The following ZNF493 variants were observed in gnomAD, a reference collection of about 807,000 sequenced individuals.
ZNF493 encodes the protein zinc finger protein 493.
Under a neutral mutation model 12.2 loss-of-function variants are expected in ZNF493, and 11 were observed. The ratio of observed to expected loss-of-function variants is 0.90; its 90% CI spans 0.57 to 1.50. ZNF493 has a LOEUF of 1.50. Among genes scored for constraint, ZNF493 ranks in the 40% most tolerant of loss-of-function variants. The pLI, the probability that ZNF493 is intolerant of heterozygous loss-of-function variation, is 0.00. For synonymous variants in ZNF493, 286 were observed against 302.6 expected, an observed-to-expected ratio of 0.95 and a Z score of 0.57; for missense variants, 950 against 906.6, an observed-to-expected ratio of 1.05 and a Z score of -0.61.
intron 3 of ZNF493, among the ~76,000 whole-genome samples, chr19:21,409,179 C>G (rs1028160771): frequency 2.0e-5 from 3 of 152,024 alleles, no homozygotes. Flanking sequence ...CCACTGCACC[C>G]TGCCTCTTGT....
chr19:21,423,363 A>G lies in ZNF493; in HGVS notation c.704A>G (p.Glu235Gly). 6.2e-7 allele frequency: 1 copy of G among 1,613,728 alleles called. No homozygotes were observed. The highest frequency in any genetic ancestry group is 1.7e-4 in the Middle Eastern group (1 of 6,054). ...AGACACAGGAGAGTTCATACTGGAGAGAAATCCTACAAATATGAATGTGGC... is the reference window on the plus strand; with the variant it reads ...AGACACAGGAGAGTTCATACTGGAGGGAAATCCTACAAATATGAATGTGGC... ...LTRHRRVHTG[E>G]KSYKYECGKS... Residue 235 changes from glutamate (E) to glycine (G), a missense_variant, in exon 4 of 4, where the codon GAG (glutamate) becomes GGG (glycine). By Grantham distance (98) the Glu-to-Gly change is moderately conservative (BLOSUM62 -2). Coordinates refer to ENST00000392288, the MANE Select transcript of ZNF493 (RefSeq NM_001076678.3).
At position 21,400,974 on chromosome 19, in the gene ZNF493, G is replaced by A. The variant is rs146855640; in HGVS notation, c.30+3707G>A. On this transcript the variant is annotated intron_variant, in intron 1 of 3. Coordinates refer to ENST00000392288, the MANE Select transcript of ZNF493 (RefSeq NM_001076678.3). ...TCTCTCTTCCCTGATTGTTCTGGCC[G>A]AGACTTTGAATTCTATGTTGAACAA... 5.9e-3 allele frequency among the ~76,000 whole-genome samples: 891 copies of A among 152,210 alleles called. 5 individuals are homozygous for A. The highest frequency in any genetic ancestry group is 0.021 in the African/African-American group (861 of 41,520).
rs923003722 is a variant in ZNF493 at position 21,426,112 on chromosome 19, A to G, written c.*1128A>G. Reference sequence around the variant, plus strand: ...CTGCAGAGAAACTCTACAAACCAGTAAGATGTGACAGTGCTTCTGACAACA... The same window carrying G: ...CTGCAGAGAAACTCTACAAACCAGTGAGATGTGACAGTGCTTCTGACAACA... On this transcript the variant is annotated 3_prime_UTR_variant, in exon 4 of 4. Coordinates refer to ENST00000392288, the MANE Select transcript of ZNF493 (RefSeq NM_001076678.3). 2 of 277,238 alleles carry G rather than the reference A, an allele frequency of 7.2e-6. No homozygotes were observed. The highest frequency in any genetic ancestry group is 1.5e-5 in the Non-Finnish European group (2 of 130,950). The allele number at this position is 277,238 out of a possible 1,614,324, so 17.2% of individuals were successfully genotyped here. A position where few individuals can be genotyped will look rare whatever the true frequency, so the allele number is the denominator to read the frequency against.
chr19:21,403,215 T>A (rs1477162318), intron 1 of ZNF493, among the ~76,000 whole-genome samples: 1 of 150,816 alleles, frequency 6.6e-6, no homozygotes, highest in Admixed American at 6.6e-5. Flanking sequence ...TTGTGTCTCA[T>A]GTGACTCTTA....
chr19:21,415,006 A>G (rs2030437618), intron 3 of ZNF493, among the ~76,000 whole-genome samples: 2 of 152,170 alleles, frequency 1.3e-5, no homozygotes, highest in Admixed American at 1.3e-4. Context: ...AGAGACAATA[A>G]CTTTTCCAGG....
rs767555213 is a variant in ZNF493 at position 21,423,760 on chromosome 19, TAAAAG to T, written c.1104_1108del (p.Lys368AsnfsTer11). ...AGGAGTCCTCACACCTTACTACACA[TAAAAG>T]AATTCATACTGGAGAGAAACCCTAC... On this transcript the variant is annotated frameshift_variant, in exon 4 of 4. Coordinates refer to ENST00000392288, the MANE Select transcript of ZNF493 (RefSeq NM_001076678.3). LOFTEE classifies it low-confidence loss of function (END_TRUNC). 3.1e-6 allele frequency: 5 copies of T among 1,613,186 alleles called. No homozygotes were observed. Among genetic ancestry groups the T allele is most frequent in the Non-Finnish European group, 4.2e-6 (5 of 1,179,412 alleles).
rs1256960575 is a variant in ZNF493 at position 21,425,129 on chromosome 19, C to A, written c.*145C>A. 7.2e-6 allele frequency: 7 copies of A among 969,590 alleles called. No homozygotes were observed. Among genetic ancestry groups the A allele is most frequent in the East Asian group, 2.4e-5 (1 of 40,820 alleles). The allele number at this position is 969,590 out of a possible 1,614,324, so 60.1% of individuals were successfully genotyped here. A position where few individuals can be genotyped will look rare whatever the true frequency, so the allele number is the denominator to read the frequency against. Reference sequence around the variant, plus strand: ...AATGTGAAGAATGTGGCAAAGATTTCTATTGATTCTCATACCTTACTAAAT... The same window carrying A: ...AATGTGAAGAATGTGGCAAAGATTTATATTGATTCTCATACCTTACTAAAT... On this transcript the variant is annotated 3_prime_UTR_variant, in exon 4 of 4. Coordinates refer to ENST00000392288, the MANE Select transcript of ZNF493 (RefSeq NM_001076678.3).
intron 3 of ZNF493, among the ~76,000 whole-genome samples, chr19:21,411,699 G>A (rs1195480492): frequency 1.3e-5 from 2 of 150,188 alleles, no homozygotes; most frequent in Admixed American, 6.6e-5. Context: ...CAGCCTGGGT[G>A]ACAGAGTGAG....
At position 21,422,894 on chromosome 19, in the gene ZNF493, A is replaced by G; in HGVS notation, c.254-19A>G. ...TGAGTCTAGTAAGTGGAGTAATTTGATATTTTTATTTCTTTCAGTTATATG... is the reference window on the plus strand; with the variant it reads ...TGAGTCTAGTAAGTGGAGTAATTTGGTATTTTTATTTCTTTCAGTTATATG... On this transcript the variant is annotated intron_variant, in intron 3 of 3. Transcript: ENST00000392288. 2.6e-6 allele frequency: 4 copies of G among 1,522,584 alleles called. No homozygotes were observed. Among genetic ancestry groups the G allele is most frequent in the Non-Finnish European group, 3.5e-6 (4 of 1,140,110 alleles). 94.3% of individuals were successfully genotyped at this position (1,522,584 alleles called of 1,614,324 possible). A position where few individuals can be genotyped will look rare whatever the true frequency, so the allele number is the denominator to read the frequency against.
In ZNF493 at chr19:21,425,683, A is replaced by C. The variant is rs769031628; in HGVS notation, c.*699A>C. 4.7e-5 allele frequency: 37 copies of C among 783,932 alleles called. No individual in the cohort carries two copies. Among genetic ancestry groups the C allele is most frequent in the South Asian group, 4.2e-4 (32 of 75,906 alleles). 48.6% of individuals were successfully genotyped at this position (783,932 alleles called of 1,614,324 possible). A position where few individuals can be genotyped will look rare whatever the true frequency, so the allele number is the denominator to read the frequency against. ...CATTAGATAATTCATGCTGGAGAGA[A>C]ACCCTACAAATGTGAAAAATGTGGC... On this transcript the variant is annotated 3_prime_UTR_variant, in exon 4 of 4. Transcript: ENST00000392288.
chr19:21,418,627 C>A (rs192359187), intron 3 of ZNF493, among the ~76,000 whole-genome samples: 11 of 152,276 alleles, frequency 7.2e-5, no homozygotes, highest in African/African-American at 1.9e-4. Context: ...AGTGGGAAAT[C>A]AGGGGCCTCA....
chr19:21,421,209 T>A (rs941250846), intron 3 of ZNF493, among the ~76,000 whole-genome samples: 3 of 152,068 alleles, frequency 2.0e-5, no homozygotes, highest in Admixed American at 1.3e-4. Flanking sequence ...CAGGGTTTTT[T>A]TATATTTTTT....
At position 21,405,947 on chromosome 19, in the gene ZNF493, G is replaced by A. The variant is rs930075079; in HGVS notation, c.253+91G>A. On this transcript the variant is annotated intron_variant, in intron 3 of 3. Transcript: ENST00000392288. ...AAAAAAAAGCCAGTCCTGGCCGGGAGCAATGGCTCATGCCTGTAGTCCCAG... is the reference window on the plus strand; with the variant it reads ...AAAAAAAAGCCAGTCCTGGCCGGGAACAATGGCTCATGCCTGTAGTCCCAG... 2.9e-5 allele frequency: 29 copies of A among 993,998 alleles called. No individual in the cohort carries two copies. In the African/African-American group the frequency reaches 4.6e-4, roughly 16 times the overall value. 61.6% of individuals were successfully genotyped at this position (993,998 alleles called of 1,614,324 possible).
At chr19:21,416,934 G>A (rs1040175297) in intron 3 of ZNF493, among the ~76,000 whole-genome samples, 6 of 152,258 alleles carry the variant, frequency 3.9e-5, no homozygotes, top group South Asian at 2.1e-4. Flanking sequence ...GAACTTTAGC[G>A]GGGGTTCCCA....
chr19:21,420,591 T>TTTTATA (rs1491162530), intron 3 of ZNF493, among the ~76,000 whole-genome samples: 1 of 10,680 alleles, frequency 9.4e-5, no homozygotes, highest in African/African-American at 4.7e-4. Flanking sequence ...ACTCACTTGA[T>TTTTATA]TATATATATA....
intron 3 of ZNF493, among the ~76,000 whole-genome samples, chr19:21,411,696 G>C (rs534852198): frequency 6.6e-6 from 1 of 151,698 alleles, no homozygotes; most frequent in Non-Finnish European, 1.5e-5. Context: ...CTCCAGCCTG[G>C]GTGACAGAGT....
At chr19:21,404,421 G>C (rs2030048072) in intron 1 of ZNF493, among the ~76,000 whole-genome samples, 1 of 152,092 alleles carries the variant, frequency 6.6e-6, no homozygotes. Flanking sequence ...TTTCACTATA[G>C]AGTTAATTAT....
chr19:21,401,502 A>G (rs1459926490), intron 1 of ZNF493, among the ~76,000 whole-genome samples: 1 of 152,022 alleles, frequency 6.6e-6, no homozygotes, highest in Non-Finnish European at 1.5e-5. Context: ...TTTTCTCAGT[A>G]TTTTGAAATA....
intron 3 of ZNF493, chr19:21,413,562 C>A: frequency 2.5e-6 from 1 of 405,308 alleles, no homozygotes. Flanking sequence ...TTGTCCTCAG[C>A]ATCAATCTTG....
Sources: allele counts gnomAD v4.1 joint callset (sites outside exome capture counted in the v4.1 genomes callset), GRCh38; gene constraint gnomAD v4.1.1; transcripts MANE v1.5; gene names NCBI Gene and HGNC (gene_info 2026-07-23, HGNC 2026-07-21).